Variants in FGD5 observed in about 807,000 individuals in gnomAD.
FGD5 encodes the protein FYVE, RhoGEF and PH domain-containing protein 5.
FGD5 carries 28 observed loss-of-function variants against 133.4 expected under a neutral mutation model. The observed-to-expected ratio is 0.21, with a 90% CI of 0.16 to 0.29. The LOEUF is 0.29. Ranked by LOEUF, FGD5 falls within the 10% of genes least tolerant of loss-of-function variation. The pLI is 1.00. For synonymous variants in FGD5, 810 were observed against 776.5 expected, an observed-to-expected ratio of 1.04 and a Z score of -0.72; for missense variants, 1,858 against 1,895.2, an observed-to-expected ratio of 0.98 and a Z score of 0.36.
At chr3:14,919,382 G>T in intron 13 of FGD5, among the ~76,000 whole-genome samples, 1 of 152,220 alleles carries the variant, frequency 6.6e-6, no homozygotes, top group East Asian at 1.9e-4. Context: ...CCTTTGGGAG[G>T]CCGAGGCGGA....
At chr3:14,866,605 A>G (rs749559201) in intron 2 of FGD5, among the ~76,000 whole-genome samples, 2 of 152,224 alleles carry the variant, frequency 1.3e-5, no homozygotes, top group Admixed American at 1.3e-4. Context: ...AGGTTGGGAT[A>G]GTAGTAATAG....
At chr3:14,863,176 A>G (rs1344526942) in intron 1 of FGD5, among the ~76,000 whole-genome samples, 1 of 152,196 alleles carries the variant, frequency 6.6e-6, no homozygotes, top group East Asian at 1.9e-4. Context: ...GGGCAGGAGT[A>G]TTTGGTAAGG....
At position 14,933,204 on chromosome 3, in the gene FGD5, G is replaced by A. The variant is rs1575270454; in HGVS notation, c.*37G>A. 6.2e-7 allele frequency: 1 copy of A among 1,607,794 alleles called. No homozygotes were observed. Among genetic ancestry groups the A allele is most frequent in the Non-Finnish European group, 8.5e-7 (1 of 1,176,558 alleles). On this transcript the variant is annotated 3_prime_UTR_variant, in exon 20 of 20. Coordinates refer to ENST00000285046, the MANE Select transcript of FGD5 (RefSeq NM_152536.4). ...CATGTGGACTTGTAACAAATTCTTA[G>A]GTCAATATGTGAATGCTTTTAGAAG...
At position 14,820,385 on chromosome 3, in the gene FGD5, T is replaced by G. The variant is rs2125067922; in HGVS notation, c.1314T>G (p.Gly438=). The change falls in exon 1 of 20, where the codon GGT becomes GGG. Residue 438 remains glycine, a synonymous_variant. Transcript: ENST00000285046. ...ATGTGATGGGAGTGGGCCTGCCCGGTCAGGCGGCCCCTGGAGAAGGAGGGC... is the reference window on the plus strand; with the variant it reads ...ATGTGATGGGAGTGGGCCTGCCCGGGCAGGCGGCCCCTGGAGAAGGAGGGC... ...NPYVMGVGLP[G]QAAPGEGGQA... 1.2e-6 allele frequency: 2 copies of G among 1,613,798 alleles called. No homozygotes were observed. Among genetic ancestry groups the G allele is most frequent in the East Asian group, 4.5e-5 (2 of 44,854 alleles).
Position 14,819,358 on chromosome 3 carries a change from CGGAAGA to C in FGD5, c.297_302del (p.Glu100_Glu101del). On this transcript the variant is annotated inframe_deletion, in exon 1 of 20. Transcript: ENST00000285046. The surrounding 1 kb of genome is among the most constrained non-coding windows in gnomAD (Gnocchi z 4.1). ...GCCCTGGTGTCTCCCGAGTCCTCTG[CGGAAGA>C]GGAAGAGGAGCGTGAAGAGGGAGGC... 2 of 1,547,392 alleles carry C rather than the reference CGGAAGA, an allele frequency of 1.3e-6. No individual in the cohort carries two copies. The highest frequency in any genetic ancestry group is 1.7e-6 in the Non-Finnish European group (2 of 1,145,198).
intron 1 of FGD5, among the ~76,000 whole-genome samples, chr3:14,842,429 A>G (rs114493876): frequency 5.9e-5 from 9 of 151,832 alleles, no homozygotes; most frequent in East Asian, 1.9e-4. Context: ...CTCAATGCCA[A>G]CTCTCCTAGA....
In FGD5 at chr3:14,921,978, C is replaced by T. The variant is rs1157686101; in HGVS notation, c.3630C>T (p.Tyr1210=). The T allele has an allele frequency of 2.5e-6, 4 of 1,571,030 alleles. No individual in the cohort carries two copies. Among genetic ancestry groups the T allele is most frequent in the Non-Finnish European group, 3.5e-6 (4 of 1,158,124 alleles). The change falls in exon 14 of 20, where the codon TAC becomes TAT. Residue 1210 remains tyrosine (Y), a synonymous_variant. Transcript: ENST00000285046. ...TGAGCAGAGCCCTCCCTGAGGACTA[C>T]AAGGCCCAGGCGCTGGCTGCATTCC... ...GCLSRALPED[Y]KAQALAAFHH...
chr3:14,848,314 C>G (rs2037091039), intron 1 of FGD5, among the ~76,000 whole-genome samples: 1 of 152,182 alleles, frequency 6.6e-6, no homozygotes, highest in Admixed American at 6.5e-5. Flanking sequence ...CGCCTGAACC[C>G]CAGGACAGCT....
intron 17 of FGD5, 91 bp downstream of exon 17, chr3:14,924,229 C>G (rs2038746096): frequency 3.8e-6 from 6 of 1,575,574 alleles, no homozygotes; most frequent in Non-Finnish European, 2.6e-6. Flanking sequence ...CTGCCCTGTC[C>G]CAGCCTGACC....
chr3:14,907,196 G>A (rs189622809), intron 9 of FGD5, among the ~76,000 whole-genome samples: 5 of 152,266 alleles, frequency 3.3e-5, no homozygotes, highest in South Asian at 4.1e-4. Context: ...ACCCAGTGAA[G>A]TACTGACAAG....
chr3:14,863,635 G>A (rs1166434383), intron 1 of FGD5, among the ~76,000 whole-genome samples: 1 of 152,214 alleles, frequency 6.6e-6, no homozygotes, highest in Admixed American at 6.5e-5. Flanking sequence ...CAGCTGAGTG[G>A]GAACTGATGC....
At chr3:14,817,341 G>A (rs746928762), upstream of FGD5, among the ~76,000 whole-genome samples, 50 of 152,010 alleles carry the variant, frequency 3.3e-4, no homozygotes, top group Non-Finnish European at 5.7e-4. Context: ...GACTACAGGC[G>A]TGTGCCACCA....
At chr3:14,857,739 A>G (rs772140686) in intron 1 of FGD5, among the ~76,000 whole-genome samples, 1 of 152,054 alleles carries the variant, frequency 6.6e-6, no homozygotes. Flanking sequence ...CTGCATTTTC[A>G]TTGTTCTGAT....
intron 1 of FGD5, among the ~76,000 whole-genome samples, chr3:14,822,234 C>T (rs1330221962): frequency 6.6e-6 from 1 of 152,148 alleles, no homozygotes; most frequent in African/African-American, 2.4e-5. Context: ...AGACAGTTCT[C>T]GTTATCTCCT....
At chr3:14,927,654 C>T (rs1559509884) in intron 18 of FGD5, among the ~76,000 whole-genome samples, 1 of 152,120 alleles carries the variant, frequency 6.6e-6, no homozygotes, top group Admixed American at 6.5e-5. Flanking sequence ...CCACTGTGCA[C>T]CCCTATCATG....
chr3:14,836,428 G>T (rs908350532), intron 1 of FGD5, among the ~76,000 whole-genome samples: 8 of 152,194 alleles, frequency 5.3e-5, no homozygotes, highest in Admixed American at 2.0e-4. Context: ...CTCAGCCTCT[G>T]GGGTGAGGAG....
intron 1 of FGD5, among the ~76,000 whole-genome samples, chr3:14,825,647 C>G (rs2036586045): frequency 6.6e-6 from 1 of 151,864 alleles, no homozygotes; most frequent in Non-Finnish European, 1.5e-5. Context: ...GACCCTGATT[C>G]AAAAGAAAAA....
Position 14,820,654 on chromosome 3 carries a change from G to GGAA in FGD5, c.1585_1587dup (p.Lys529dup), listed in dbSNP as rs757200229. On this transcript the variant is annotated inframe_insertion, in exon 1 of 20. Transcript: ENST00000285046. ...GGAAAGACGCTTTTGTCATTGGAGGGGAAGCCCTTGGAAGCCAGCAGGGCC... is the reference window on the plus strand; with the variant it reads ...GGAAAGACGCTTTTGTCATTGGAGGGGAAGAAGCCCTTGGAAGCCAGCAGGGCC... The GGAA allele has an allele frequency of 6.3e-7, 1 of 1,598,488 alleles. No individual in the cohort carries two copies. Among genetic ancestry groups the GGAA allele is most frequent in the Non-Finnish European group, 8.5e-7 (1 of 1,173,230 alleles).
At chr3:14,906,178 C>T (rs745668306) in intron 9 of FGD5, among the ~76,000 whole-genome samples, 3 of 152,212 alleles carry the variant, frequency 2.0e-5, no homozygotes, top group Non-Finnish European at 4.4e-5. Context: ...TGTTCTTGCT[C>T]TTCTCAGAGG....
Sources: allele counts gnomAD v4.1 joint callset (sites outside exome capture counted in the v4.1 genomes callset), GRCh38; gene constraint gnomAD v4.1.1; non-coding constraint Gnocchi (gnomAD v3.1); transcripts MANE v1.5; gene names NCBI Gene and HGNC (gene_info 2026-07-23, HGNC 2026-07-21).